The following DNAJC2 variants were observed in gnomAD, a reference collection of about 807,000 sequenced individuals.
The protein encoded by DNAJC2 is DnaJ heat shock protein family (Hsp40) member C2.
A neutral mutation model predicts 94.0 loss-of-function variants in DNAJC2; 32 were observed. That is an observed-to-expected ratio of 0.34 (90% confidence interval 0.26 to 0.46). The LOEUF is 0.46. Among genes scored for constraint, DNAJC2 ranks in the 20% least tolerant of loss-of-function variants. The probability of loss-of-function intolerance (pLI) is 1.00; values close to 1 mark genes in which losing one functional copy is unlikely to be tolerated. For synonymous variants in DNAJC2, 210 were observed against 229.7 expected (o/e 0.91, Z 0.77); for missense variants, 550 against 719.5 (o/e 0.76, Z 2.69).
intron 5 of DNAJC2, among the ~76,000 whole-genome samples, chr7:103,325,772 GAAATA>G (rs1818671427): frequency 6.6e-6 from 1 of 152,180 alleles, no homozygotes; most frequent in South Asian, 2.1e-4. Context: ...AAACTTTAAT[GAAATA>G]AAATACGTAT....
intron 3 of DNAJC2, among the ~76,000 whole-genome samples, chr7:103,330,865 C>T (rs952426328): frequency 1.3e-5 from 2 of 151,654 alleles, no homozygotes; most frequent in South Asian, 2.1e-4. Context: ...TACAGGCCTG[C>T]GCCACCACGC....
chr7:103,338,521 T>G lies in DNAJC2; in HGVS notation c.256-710A>C, dbSNP rs1040579621. Among the ~76,000 whole-genome samples the G allele has an allele frequency of 2.0e-5, 3 of 151,294 alleles. No individual in the cohort carries two copies. The East Asian group carries it at 6.0e-4, about 30-fold the overall frequency. ...CTTGTTGGTCAGGCTGGTCTCGAAC[T>G]CCTGACCTCAGGTGATATACCTGCC... On this transcript the variant is annotated intron_variant, in intron 2 of 16. Coordinates refer to ENST00000379263, the MANE Select transcript of DNAJC2 (RefSeq NM_014377.3).
intron 1 of DNAJC2, among the ~76,000 whole-genome samples, chr7:103,342,702 G>A (rs551028402): frequency 2.6e-5 from 4 of 151,036 alleles, no homozygotes; most frequent in Admixed American, 1.3e-4. Context: ...TCCGCCTCCC[G>A]GGTTCAAGCG....
rs527541360 is a variant in DNAJC2 at position 103,322,283 on chromosome 7, G to C, written c.934-202C>G. Among the ~76,000 whole-genome samples the C allele has an allele frequency of 2.0e-5, 3 of 152,168 alleles. No homozygotes were observed. The East Asian group carries it at 5.8e-4, about 29-fold the overall frequency. ...TAGAAAATGTAAAATTGACATATTA[G>C]AAATAAGCATAATATTAAAGGAACT... On this transcript the variant is annotated intron_variant, in intron 9 of 16. Coordinates refer to ENST00000379263, the MANE Select transcript of DNAJC2 (RefSeq NM_014377.3).
intron 1 of DNAJC2, among the ~76,000 whole-genome samples, chr7:103,343,778 G>C (rs749659472): frequency 6.6e-6 from 1 of 152,194 alleles, no homozygotes. Flanking sequence ...TACCTGTGTA[G>C]TATGGGTGTG....
intron 2 of DNAJC2, among the ~76,000 whole-genome samples, chr7:103,339,704 C>T (rs570328437): frequency 6.6e-6 from 1 of 151,156 alleles, no homozygotes; most frequent in East Asian, 2.0e-4. Context: ...CAGGTTCAAG[C>T]GATTCTCCTG....
chr7:103,325,449 G>A (rs76736495), intron 5 of DNAJC2, among the ~76,000 whole-genome samples: 7 of 146,022 alleles, frequency 4.8e-5, no homozygotes, highest in Middle Eastern at 3.5e-3. Flanking sequence ...AATAAAAAAG[G>A]AAAAAAAAAA....
At chr7:103,342,953 C>T (rs1819441791) in intron 1 of DNAJC2, among the ~76,000 whole-genome samples, 1 of 151,560 alleles carries the variant, frequency 6.6e-6, no homozygotes, top group South Asian at 2.1e-4. Flanking sequence ...TAAATTGTCA[C>T]GAAGAGCTAG....
rs767652564 is a variant in DNAJC2 at position 103,344,542 on chromosome 7, G to A, written c.64+17C>T. 46 of 1,613,676 alleles carry A rather than the reference G, an allele frequency of 2.9e-5. No homozygotes were observed. The highest frequency in any genetic ancestry group is 3.3e-4 in the Middle Eastern group (2 of 6,078). On this transcript the variant is annotated intron_variant, in intron 1 of 16. Coordinates refer to ENST00000379263, the MANE Select transcript of DNAJC2 (RefSeq NM_014377.3). Reference sequence around the variant, plus strand: ...GCAGCTGAGGTGAGAAGGAACCGAGGTTGGGTGGGCACTTACCAGAGGTCA... The same window carrying A: ...GCAGCTGAGGTGAGAAGGAACCGAGATTGGGTGGGCACTTACCAGAGGTCA...
chr7:103,313,892 A>G, intron 15 of DNAJC2: 1 of 985,460 alleles, frequency 1.0e-6, no homozygotes, highest in Non-Finnish European at 1.2e-6. Context: ...CTGGCAATTT[A>G]GTTATTTCAG....
chr7:103,336,917 T>TA (rs1407253780), intron 3 of DNAJC2: 1 of 152,222 alleles, frequency 6.6e-6, no homozygotes, highest in African/African-American at 2.4e-5. Flanking sequence ...TAATAATTTT[T>TA]ACCACAGGCA....
intron 3 of DNAJC2, chr7:103,337,123 T>C (rs1819204579): frequency 6.6e-6 from 1 of 152,226 alleles, no homozygotes; most frequent in East Asian, 1.9e-4. Flanking sequence ...TAAACTTTAT[T>C]AATCAGTTGA....
intron 3 of DNAJC2, among the ~76,000 whole-genome samples, chr7:103,330,381 C>A (rs543604472): frequency 1.3e-5 from 2 of 151,958 alleles, no homozygotes; most frequent in African/African-American, 2.4e-5. Flanking sequence ...TTAACCTCCC[C>A]GGCTCAGGTG....
chr7:103,338,144 C>T (rs1277545747), intron 2 of DNAJC2, among the ~76,000 whole-genome samples: 1 of 151,970 alleles, frequency 6.6e-6, no homozygotes, highest in African/African-American at 2.4e-5. Context: ...GTGGTGTGCA[C>T]CTGTAGTTCC....
intron 15 of DNAJC2, 72 bp from the exon 16 acceptor site, chr7:103,313,173 T>TATTC (rs1817853319): frequency 6.6e-7 from 1 of 1,507,824 alleles, no homozygotes; most frequent in African/African-American, 1.4e-5. Context: ...GGTCCACAAG[T>TATTC]ATTCGCTAAG....
intron 15 of DNAJC2, chr7:103,313,339 T>C: frequency 7.9e-7 from 1 of 1,265,242 alleles, no homozygotes; most frequent in Non-Finnish European, 9.9e-7. Context: ...ATAGTAAAGA[T>C]CTACCTTGTA....
At chr7:103,313,316 C>T (rs1298673196) in intron 15 of DNAJC2, 1 of 1,301,604 alleles carries the variant, frequency 7.7e-7, no homozygotes, top group African/African-American at 1.5e-5. Flanking sequence ...ATCTCAAAGG[C>T]TTTTAAAACA....
At chr7:103,322,815 GAAAC>G in intron 7 of DNAJC2, 21 bp from the exon 8 acceptor site, 4 of 1,562,782 alleles carry the variant, frequency 2.6e-6, no homozygotes, top group East Asian at 2.2e-5. Flanking sequence ...GAAAATATTG[GAAAC>G]AAACTACTGC....
At chr7:103,315,425 TTC>T (rs1281041154) in intron 15 of DNAJC2, among the ~76,000 whole-genome samples, 1 of 152,164 alleles carries the variant, frequency 6.6e-6, no homozygotes. Flanking sequence ...TAAGGACATT[TTC>T]TTATATAATT....
Sources: allele counts gnomAD v4.1 joint callset (sites outside exome capture counted in the v4.1 genomes callset), GRCh38; gene constraint gnomAD v4.1.1; transcripts MANE v1.5; gene names NCBI Gene and HGNC (gene_info 2026-07-23, HGNC 2026-07-21).